ARIH2: variants seen among roughly 807,000 people sequenced by gnomAD.
ARIH2 encodes the protein ariadne RBR E3 ubiquitin protein ligase 2.
Under a neutral mutation model 79.8 loss-of-function variants are expected in ARIH2, and 12 were observed. The ratio of observed to expected loss-of-function variants is 0.15; its 90% CI spans 0.10 to 0.24. The LOEUF is 0.24. Among genes scored for constraint, ARIH2 ranks in the 10% least tolerant of loss-of-function variants. The probability of loss-of-function intolerance (pLI) is 1.00; values close to 1 mark genes in which losing one functional copy is unlikely to be tolerated. For missense variants in ARIH2, 301 were observed against 618.3 expected (o/e 0.49, Z 5.44); for synonymous variants, 224 against 213.9 (o/e 1.05, Z -0.41).
chr3:48,983,107 C>A, intron 15 of ARIH2, 92 bp from the exon 16 acceptor site: 1 of 1,532,716 alleles, frequency 6.5e-7, no homozygotes, highest in Non-Finnish European at 9.0e-7. Flanking sequence ...GTTTTTGACT[C>A]CTTGGAGGTC....
At position 48,982,964 on chromosome 3, in the gene ARIH2, C is replaced by T. The variant is rs774401446; in HGVS notation, c.1395C>T (p.Asp465=). 6.2e-7 allele frequency: 1 copy of T among 1,614,042 alleles called. No individual in the cohort carries two copies. The highest frequency in any genetic ancestry group is 2.2e-5 in the East Asian group (1 of 44,892). The change falls in exon 15 of 16, where the codon GAC becomes GAT. Residue 465 remains aspartate (D), a synonymous_variant. Coordinates refer to ENST00000356401, the MANE Select transcript of ARIH2 (RefSeq NM_006321.4). The stretch of plus-strand genomic sequence containing the variant: ...TCTCATGGAAAGTGGAGCGTGCAGA[C>T]AGCTATGACAGAGGGGTAAGTGCCT... ...ENLSWKVERA[D]SYDRGDLENQ... is the part of the protein sequence containing the mutation.
intron 8 of ARIH2, among the ~76,000 whole-genome samples, chr3:48,971,516 T>C (rs1490557577): frequency 6.6e-6 from 1 of 152,216 alleles, no homozygotes; most frequent in Non-Finnish European, 1.5e-5. Context: ...GTGCTGGGAT[T>C]ACAGGATTGA....
rs2084334174 is a variant in ARIH2, at chr3:48,919,080, C to G, written c.-162+82C>G. On this transcript the variant is annotated intron_variant, in intron 1 of 15. Coordinates refer to ENST00000356401, the MANE Select transcript of ARIH2 (RefSeq NM_006321.4). ...CTCTCCGCGCGCCTCCCTGGCCGGGCCGGGACTCCGCCTTCGCCGTCGCCC... is the reference window on the plus strand; with the variant it reads ...CTCTCCGCGCGCCTCCCTGGCCGGGGCGGGACTCCGCCTTCGCCGTCGCCC... 4 of 1,277,858 alleles carry G rather than the reference C, an allele frequency of 3.1e-6. No homozygotes were observed. In the East Asian group the frequency reaches 9.3e-5, roughly 30 times the overall value. 79.2% of individuals were successfully genotyped at this position (1,277,858 alleles called of 1,614,324 possible). A position where few individuals can be genotyped will look rare whatever the true frequency, so the allele number is the denominator to read the frequency against.
intron 3 of ARIH2, among the ~76,000 whole-genome samples, chr3:48,952,706 C>A (rs939288656): frequency 6.6e-6 from 1 of 152,086 alleles, no homozygotes; most frequent in Non-Finnish European, 1.5e-5. Context: ...TGGTGCCCCC[C>A]ACTGGCAAGA....
chr3:48,975,364 C>T (rs1289138245), intron 11 of ARIH2, among the ~76,000 whole-genome samples: 3 of 152,102 alleles, frequency 2.0e-5, no homozygotes, highest in South Asian at 2.1e-4. Context: ...TTTCCCTTGC[C>T]GTTTTACAAA....
chr3:48,958,430 G>C (rs1427361021), intron 3 of ARIH2, among the ~76,000 whole-genome samples: 1 of 152,168 alleles, frequency 6.6e-6, no homozygotes, highest in Non-Finnish European at 1.5e-5. Context: ...AAAATAGATA[G>C]GCCGGGCACG....
intron 3 of ARIH2, among the ~76,000 whole-genome samples, chr3:48,947,054 G>A (rs1233640873): frequency 2.6e-5 from 3 of 114,780 alleles, no homozygotes; most frequent in African/African-American, 3.1e-5. Flanking sequence ...CCTAAAAGCT[G>A]TGCCTGTGGA....
chr3:48,960,053 C>G (rs2091085854), intron 3 of ARIH2, among the ~76,000 whole-genome samples: 1 of 152,190 alleles, frequency 6.6e-6, no homozygotes, highest in South Asian at 2.1e-4. Flanking sequence ...AGACAATGTT[C>G]TGTGTGTTTT....
chr3:48,923,455 G>C (rs1339347291), intron 2 of ARIH2, among the ~76,000 whole-genome samples: 1 of 149,630 alleles, frequency 6.7e-6, no homozygotes. Context: ...ACAATTAATA[G>C]GGTTTTTTTT....
At chr3:48,983,073 G>C (rs1269930614) in intron 15 of ARIH2, 94 bp downstream of exon 15, 3 of 1,498,378 alleles carry the variant, frequency 2.0e-6, no homozygotes, top group Non-Finnish European at 2.8e-6. Flanking sequence ...ACTGGTAGCT[G>C]CTGCTAAGAA....
In ARIH2 at chr3:48,982,969, A is replaced by G; in HGVS notation, c.1400A>G (p.Tyr467Cys). Residue 467 changes from tyrosine to cysteine, a missense_variant, in exon 15 of 16, where the codon TAT becomes TGT. By Grantham distance (194) the Tyr-to-Cys change is radical. Transcript: ENST00000356401. ...LSWKVERADS[Y>C]DRGDLENQMH... ...TGGAAAGTGGAGCGTGCAGACAGCT[A>G]TGACAGAGGGGTAAGTGCCTACTGT... The G allele has an allele frequency of 6.2e-7, 1 of 1,614,188 alleles. No homozygotes were observed. Among genetic ancestry groups the G allele is most frequent in the Non-Finnish European group, 8.5e-7 (1 of 1,180,014 alleles).
At chr3:48,953,472 C>T (rs1012050079) in intron 3 of ARIH2, among the ~76,000 whole-genome samples, 6 of 152,130 alleles carry the variant, frequency 3.9e-5, no homozygotes, top group East Asian at 1.9e-4. Flanking sequence ...GGTGCGACCT[C>T]GGCTCACTGC....
Position 48,983,025 on chromosome 3 carries a change from C to G in ARIH2, c.1410+46C>G, listed in dbSNP as rs866419599. ...TGGATTCTATATTGCAGGTAGAGGA[C>G]TGGCATGGTAATAGGTGACAGCGTT... On this transcript the variant is annotated intron_variant, in intron 15 of 15. Coordinates refer to ENST00000356401, the MANE Select transcript of ARIH2 (RefSeq NM_006321.4). 2.5e-5 allele frequency: 40 copies of G among 1,576,848 alleles called. 1 individual carries two copies. Among genetic ancestry groups the G allele is most frequent in the Non-Finnish European group, 3.4e-5 (39 of 1,146,418 alleles).
chr3:48,965,806 C>A (rs2091740041), intron 5 of ARIH2, among the ~76,000 whole-genome samples: 1 of 151,984 alleles, frequency 6.6e-6, no homozygotes, highest in Non-Finnish European at 1.5e-5. Context: ...ACTAAAAATA[C>A]AAAAATTAGC....
chr3:48,980,569 G>A (rs1358370852), intron 13 of ARIH2, 73 bp downstream of exon 13: 1 of 1,540,304 alleles, frequency 6.5e-7, no homozygotes, highest in African/African-American at 1.4e-5. Flanking sequence ...CTGATAGTGG[G>A]AAGCTCTGTT....
rs746188675 is a variant in ARIH2 at position 48,918,919 on chromosome 3, C to G, written c.-241C>G. 1.3e-6 allele frequency: 2 copies of G among 1,597,026 alleles called. No homozygotes were observed. The highest frequency in any genetic ancestry group is 1.7e-5 in the Admixed American group (1 of 58,330). On this transcript the variant is annotated 5_prime_UTR_variant, in exon 1 of 16. Coordinates refer to ENST00000356401, the MANE Select transcript of ARIH2 (RefSeq NM_006321.4). ...CGGCCCGCCGCCTCCGCTGCCGCTT[C>G]GCCCCAATCCGGTCCCTCTGGCCCG...
rs1553702240 is a variant in ARIH2 at position 48,940,808 on chromosome 3, AAT to A, written c.255+13015_255+13016del. Among the ~76,000 whole-genome samples the A allele has an allele frequency of 1.0e-3, 98 of 98,026 alleles. 6 individuals carry two copies. Among genetic ancestry groups the A allele is most frequent in the East Asian group, 4.8e-3 (19 of 3,954 alleles). 64.3% of individuals were successfully genotyped at this position (98,026 alleles called of 152,430 possible). On this transcript the variant is annotated intron_variant, in intron 3 of 15. Transcript: ENST00000356401. ...AGACTCCGTCTCAAAAAAAAAAAAAAATATATATATATATATATATAGCCACA... is the reference window on the plus strand; with the variant it reads ...AGACTCCGTCTCAAAAAAAAAAAAAAATATATATATATATATATAGCCACA...
At chr3:48,935,008 A>AT (rs879504196) in intron 3 of ARIH2, 1 of 958,356 alleles carries the variant, frequency 1.0e-6, no homozygotes, top group Non-Finnish European at 1.2e-6. Flanking sequence ...GAGTTTATAA[A>AT]TTTTTTTGTC....
intron 7 of ARIH2, 44 bp from the exon 8 acceptor site, chr3:48,970,551 C>A: frequency 1.5e-6 from 2 of 1,323,634 alleles, no homozygotes; most frequent in Non-Finnish European, 2.2e-6. Flanking sequence ...TTTTAGACAG[C>A]AACTAAGAGA....
Sources: allele counts gnomAD v4.1 joint callset (sites outside exome capture counted in the v4.1 genomes callset), GRCh38; gene constraint gnomAD v4.1.1; transcripts MANE v1.5; gene names NCBI Gene and HGNC (gene_info 2026-07-23, HGNC 2026-07-21).